SERPINB12: variants seen among roughly 807,000 people sequenced by gnomAD.
SERPINB12 encodes the protein serpin B12.
A neutral mutation model predicts 41.1 loss-of-function variants in SERPINB12; 57 were observed. The ratio of observed to expected loss-of-function variants is 1.39; its 90% CI spans 1.12 to 1.73. SERPINB12 has a LOEUF of 1.73. SERPINB12 is among the 40% of genes most tolerant of loss of function. The pLI, the probability that SERPINB12 is intolerant of heterozygous loss-of-function variation, is 0.00. For missense variants in SERPINB12, 536 were observed against 501.9 expected (o/e 1.07, Z -0.65); for synonymous variants, 180 against 181.3 (o/e 0.99, Z 0.06).
In SERPINB12 at chr18:63,565,378, G is replaced by C. The variant is rs1015442867; in HGVS notation, c.706-67G>C. ...TTTAGGAACCCCTGTCCTCCGTGAA[G>C]CTGGGGCCATATGAATTTGGGAGTT... On this transcript the variant is annotated intron_variant, in intron 6 of 7. Coordinates refer to ENST00000382768, the MANE Select transcript of SERPINB12 (RefSeq NM_001307928.2). 35 of 1,462,318 alleles carry C rather than the reference G, an allele frequency of 2.4e-5. No homozygotes were observed. In the East Asian group the frequency reaches 7.8e-4, roughly 33 times the overall value. The allele number at this position is 1,462,318 out of a possible 1,614,324, so 90.6% of individuals were successfully genotyped here.
At chr18:63,542,649 T>G (rs1019813143) in intron 1 of SERPINB12, among the ~76,000 whole-genome samples, 157 bp downstream of exon 1, 2 of 152,152 alleles carry the variant, frequency 1.3e-5, no homozygotes. Flanking sequence ...TTTTAAAAAC[T>G]TTTATTTTAG....
At chr18:63,529,244 G>A in the SERPINB12 span, among the ~76,000 whole-genome samples, 9,583 of 152,262 alleles carry the variant, frequency 0.063, 633 homozygotes, top group East Asian at 0.29. Flanking sequence ...GGAGGATTAT[G>A]TAAGTTGCCT....
intron 3 of SERPINB12, among the ~76,000 whole-genome samples, chr18:63,559,095 CTCTT>C (rs1363907644): frequency 1.8e-5 from 2 of 112,944 alleles, no homozygotes; most frequent in East Asian, 2.5e-4. Flanking sequence ...CTCTCTTTCT[CTCTT>C]TCTTTCTTTC....
the SERPINB12 span, among the ~76,000 whole-genome samples, chr18:63,528,856 G>T: frequency 1.7e-3 from 264 of 152,176 alleles, no homozygotes; most frequent in African/African-American, 6.1e-3. Flanking sequence ...AGGGATGCAG[G>T]GTCCTTCATT....
At chr18:63,560,905 C>CTGAAATG (rs1341579726) in intron 4 of SERPINB12, among the ~76,000 whole-genome samples, 180 bp from the exon 5 acceptor site, 1 of 152,124 alleles carries the variant, frequency 6.6e-6, no homozygotes, top group Non-Finnish European at 1.5e-5. Flanking sequence ...ACTAAAAAAA[C>CTGAAATG]TGAAATGTCT....
the SERPINB12 span, among the ~76,000 whole-genome samples, chr18:63,525,448 C>T: frequency 7.6e-4 from 116 of 152,190 alleles, no homozygotes; most frequent in African/African-American, 2.7e-3. Context: ...AACATAGCTT[C>T]TCATACAACA....
chr18:63,535,523 C>T, the SERPINB12 span, among the ~76,000 whole-genome samples: 1 of 152,068 alleles, frequency 6.6e-6, no homozygotes, highest in African/African-American at 2.4e-5. Flanking sequence ...ATGTTAATTC[C>T]ATGAAAGTCA....
At chr18:63,554,931 G>A (rs1270631874) in intron 1 of SERPINB12, among the ~76,000 whole-genome samples, 1 of 152,122 alleles carries the variant, frequency 6.6e-6, no homozygotes, top group African/African-American at 2.4e-5. Flanking sequence ...AGATCTGATG[G>A]TTTTATAAGT....
At chr18:63,535,661 G>A in the SERPINB12 span, among the ~76,000 whole-genome samples, 2 of 152,160 alleles carry the variant, frequency 1.3e-5, no homozygotes, top group African/African-American at 4.8e-5. Flanking sequence ...GGGATAACTG[G>A]TGACATTGGA....
At chr18:63,558,579 A>C in intron 3 of SERPINB12, 93 bp downstream of exon 3, 1 of 1,337,940 alleles carries the variant, frequency 7.5e-7, no homozygotes, top group Non-Finnish European at 1.0e-6. Flanking sequence ...TTATCCCCAA[A>C]TATTAGACTC....
intron 1 of SERPINB12, among the ~76,000 whole-genome samples, chr18:63,547,834 AGG>A (rs1910424333): frequency 6.6e-6 from 1 of 152,170 alleles, no homozygotes; most frequent in African/African-American, 2.4e-5. Flanking sequence ...AGCTTCCTGC[AGG>A]ATATATAAAG....
At chr18:63,535,597 T>G in the SERPINB12 span, among the ~76,000 whole-genome samples, 1 of 152,176 alleles carries the variant, frequency 6.6e-6, no homozygotes, top group African/African-American at 2.4e-5. Flanking sequence ...AAATGCAATG[T>G]ACAATCCTGG....
Position 63,569,141 on chromosome 18 carries a change from T to TC in SERPINB12, c.*2130_*2131insC, listed in dbSNP as rs1911214420. On this transcript the variant is annotated 3_prime_UTR_variant, in exon 8 of 8. Transcript: ENST00000382768. ...ATTCTTTTACTTGGTAAACACATTT[T>TC]TTTTTCATTTACATCGGGATTTCTC... 6.6e-6 allele frequency among the ~76,000 whole-genome samples: 1 copy of TC among 151,558 alleles called. No individual in the cohort carries two copies. The highest frequency in any genetic ancestry group is 1.5e-5 in the Non-Finnish European group (1 of 67,844).
chr18:63,538,160 A>G (rs960723369), upstream of SERPINB12, among the ~76,000 whole-genome samples: 3 of 152,204 alleles, frequency 2.0e-5, no homozygotes, highest in African/African-American at 4.8e-5. Context: ...TGAAAGCAAC[A>G]TGTCTAGCAC....
the SERPINB12 span, among the ~76,000 whole-genome samples, chr18:63,532,964 G>T: frequency 6.6e-6 from 1 of 151,982 alleles, no homozygotes; most frequent in African/African-American, 2.4e-5. Context: ...TACCTAGTAA[G>T]TACTCCTTTC....
rs1911110421 is a variant in SERPINB12, at chr18:63,566,692, C to T, written c.959C>T (p.Pro320Leu). 4 of 1,613,964 alleles carry T rather than the reference C, an allele frequency of 2.5e-6. No individual in the cohort carries two copies. In the South Asian group the frequency reaches 4.4e-5, roughly 18 times the overall value. The change falls in exon 8 of 8, where the codon CCC (proline) becomes CTC (leucine). Residue 320 changes from proline (P) to leucine (L), a missense_variant. Coordinates refer to ENST00000382768, the MANE Select transcript of SERPINB12 (RefSeq NM_001307928.2). ...GAAGAATCGGTGGTCCTGTCCTTCC[C>T]CCGGTTCACCCTGGAAGACAGCTAT... is the stretch of plus-strand genomic sequence containing the variant. ...MSEESVVLSFPRFTLEDSYDL... is the reference protein window; with the variant it reads ...MSEESVVLSFLRFTLEDSYDL...
chr18:63,529,799 C>T, the SERPINB12 span, among the ~76,000 whole-genome samples: 3 of 152,140 alleles, frequency 2.0e-5, no homozygotes, highest in Non-Finnish European at 2.9e-5. Context: ...CATTTAAAAA[C>T]TGATGTTTTG....
chr18:63,537,579 A>C (rs1910198987), upstream of SERPINB12, among the ~76,000 whole-genome samples: 1 of 152,168 alleles, frequency 6.6e-6, no homozygotes, highest in East Asian at 1.9e-4. Flanking sequence ...AAATTATATG[A>C]ATATTCTTTC....
chr18:63,522,188 C>T, the SERPINB12 span, among the ~76,000 whole-genome samples: 1 of 152,154 alleles, frequency 6.6e-6, no homozygotes, highest in African/African-American at 2.4e-5. Flanking sequence ...TAAAAAACCC[C>T]TTGAGGCTAG....
Sources: allele counts gnomAD v4.1 joint callset (sites outside exome capture counted in the v4.1 genomes callset), GRCh38; gene constraint gnomAD v4.1.1; transcripts MANE v1.5; gene names NCBI Gene and HGNC (gene_info 2026-07-23, HGNC 2026-07-21).